The following SNX14 variants were observed in gnomAD, a reference collection of about 807,000 sequenced individuals.
SNX14 encodes the protein sorting nexin 14.
A neutral mutation model predicts 133.8 loss-of-function variants in SNX14; 93 were observed. The observed-to-expected ratio is 0.70, with a 90% CI of 0.59 to 0.83. SNX14 has a LOEUF of 0.83. SNX14 is among the 40% of genes least tolerant of loss of function. The pLI is 0.00. For missense variants in SNX14, 945 were observed against 1,094.9 expected (o/e 0.86, Z 1.93); for synonymous variants, 368 against 365.6 (o/e 1.01, Z -0.07).
intron 1 of SNX14, among the ~76,000 whole-genome samples, chr6:85,584,390 T>C (rs1223384263): frequency 6.6e-6 from 1 of 152,030 alleles, no homozygotes; most frequent in Non-Finnish European, 1.5e-5. Context: ...AAGCCAAAAT[T>C]GACAAATGGG....
At chr6:85,554,177 G>T (rs1788821889) in intron 7 of SNX14, among the ~76,000 whole-genome samples, 1 of 151,986 alleles carries the variant, frequency 6.6e-6, no homozygotes, top group Non-Finnish European at 1.5e-5. Flanking sequence ...TCTTCAGGTT[G>T]AAAGTCTGGA....
chr6:85,530,838 C>T (rs965403601), intron 18 of SNX14, among the ~76,000 whole-genome samples: 2 of 152,054 alleles, frequency 1.3e-5, no homozygotes, highest in Non-Finnish European at 2.9e-5. Context: ...AGAATCAGAG[C>T]TGACAGAAAC....
In SNX14 at chr6:85,512,215, G is replaced by A. The variant is rs115426400; in HGVS notation, c.2653+1585C>T. On this transcript the variant is annotated intron_variant, in intron 26 of 28. Coordinates refer to ENST00000314673, the MANE Select transcript of SNX14 (RefSeq NM_153816.6). ...TTGTCAAGAACAGAATGCCCTGACT[G>A]ATGTATTTCAAAATGGTTCCCTTCT... Among the ~76,000 whole-genome samples, 1,058 of 152,322 alleles carry A rather than the reference G, an allele frequency of 6.9e-3. 10 individuals carry two copies. The highest frequency in any genetic ancestry group is 0.024 in the African/African-American group (978 of 41,576).
In SNX14 at chr6:85,536,907, C is replaced by T; in HGVS notation, c.1493G>A (p.Gly498Glu). 9.3e-6 allele frequency: 15 copies of T among 1,612,762 alleles called. No homozygotes were observed. Among genetic ancestry groups the T allele is most frequent in the Non-Finnish European group, 1.1e-5 (13 of 1,179,420 alleles). The change falls in exon 17 of 29, where the codon GGA becomes GAA. Residue 498 changes from glycine (G) to glutamate (E), a missense_variant. By Grantham distance (98) the Gly-to-Glu change is moderately conservative. Coordinates refer to ENST00000314673, the MANE Select transcript of SNX14 (RefSeq NM_153816.6). ...LDDFRNTQKR[G>E]ESFGISRIGS... The stretch of plus-strand genomic sequence containing the variant: ...TATTCTGCTGATTCCAAATGATTCT[C>T]CCCTTTTCTGTGTGTTCCTGAATAT...
intron 12 of SNX14, among the ~76,000 whole-genome samples, chr6:85,545,319 T>C (rs926859888): frequency 6.6e-6 from 1 of 152,072 alleles, no homozygotes; most frequent in Non-Finnish European, 1.5e-5. Flanking sequence ...ATAATAAATA[T>C]ATCACGTGTA....
intron 18 of SNX14, among the ~76,000 whole-genome samples, chr6:85,533,109 A>T (rs1331811608): frequency 6.6e-6 from 1 of 152,116 alleles, no homozygotes; most frequent in East Asian, 1.9e-4. Context: ...CGGGTCTCAA[A>T]CTCCTGACCT....
At chr6:85,566,799 T>A (rs1794001742) in intron 5 of SNX14, among the ~76,000 whole-genome samples, 1 of 152,224 alleles carries the variant, frequency 6.6e-6, no homozygotes, top group Non-Finnish European at 1.5e-5. Context: ...CATGGAGGTA[T>A]AAGTGTTCAA....
intron 4 of SNX14, among the ~76,000 whole-genome samples, chr6:85,571,440 G>A (rs1207712330): frequency 2.0e-5 from 3 of 151,820 alleles, no homozygotes; most frequent in African/African-American, 7.3e-5. Flanking sequence ...ATACAAAATG[G>A]GATAAAGAAC....
At position 85,549,819 on chromosome 6, in the gene SNX14, A is replaced by G; in HGVS notation, c.695T>C (p.Val232Ala). Residue 232 changes from valine (V) to alanine (A), a missense_variant, in exon 8 of 29, where the codon GTT becomes GCT. By Grantham distance (64) the Val-to-Ala change is moderately conservative. Coordinates refer to ENST00000314673, the MANE Select transcript of SNX14 (RefSeq NM_153816.6). ...TTCATCTCTTCGACTTCTCAAAGCAACATGAAGCTCTGGACCATATTCTTC... is the reference window on the plus strand; with the variant it reads ...TTCATCTCTTCGACTTCTCAAAGCAGCATGAAGCTCTGGACCATATTCTTC... ...ALEEYGPELH[V>A]ALRSRRDELH... 1 of 1,614,062 alleles carries G rather than the reference A, an allele frequency of 6.2e-7. No individual in the cohort carries two copies. Among genetic ancestry groups the G allele is most frequent in the Non-Finnish European group, 8.5e-7 (1 of 1,179,934 alleles).
In SNX14 at chr6:85,526,175, A is replaced by G; in HGVS notation, c.2058T>C (p.Asn686=). 1 of 1,609,052 alleles carries G rather than the reference A, an allele frequency of 6.2e-7. No homozygotes were observed. The highest frequency in any genetic ancestry group is 8.5e-7 in the Non-Finnish European group (1 of 1,177,504). Reference sequence around the variant, plus strand: ...TATCAAGAAATTGTGTTTCCCCACCATTAGGGGAAAGAAAGTCTGCCAGAA... The same window carrying G: ...TATCAAGAAATTGTGTTTCCCCACCGTTAGGGGAAAGAAAGTCTGCCAGAA... ...SQLLADFLSP[N]GGETQFLDKI... Residue 686 remains asparagine (N), a synonymous_variant, in exon 21 of 29, where the codon AAT becomes AAC. Coordinates refer to ENST00000314673, the MANE Select transcript of SNX14 (RefSeq NM_153816.6).
chr6:85,508,356 A>G, intron 26 of SNX14: 1 of 1,062,650 alleles, frequency 9.4e-7, no homozygotes, highest in Non-Finnish European at 1.1e-6. Context: ...TAGTTGGAAA[A>G]TAATACTTAT....
chr6:85,516,302 GCTCTT>G (rs544239351), intron 23 of SNX14, among the ~76,000 whole-genome samples: 107 of 152,110 alleles, frequency 7.0e-4, no homozygotes, highest in African/African-American at 2.5e-3. Flanking sequence ...CATGTTATAA[GCTCTT>G]CTCTTATTTT....
chr6:85,509,532 C>G (rs1772004636), intron 26 of SNX14, among the ~76,000 whole-genome samples: 1 of 152,098 alleles, frequency 6.6e-6, no homozygotes, highest in South Asian at 2.1e-4. Flanking sequence ...ATAAACTTTA[C>G]TTTTTAAAGT....
chr6:85,590,269 A>G (rs1802391576), intron 1 of SNX14, among the ~76,000 whole-genome samples: 1 of 152,180 alleles, frequency 6.6e-6, no homozygotes. Flanking sequence ...TCCATAAAAT[A>G]GAAGAATTTG....
chr6:85,584,072 C>A (rs1000573518), intron 1 of SNX14, among the ~76,000 whole-genome samples: 2 of 152,116 alleles, frequency 1.3e-5, no homozygotes, highest in African/African-American at 4.8e-5. Context: ...TGGAACAGAA[C>A]AGAAGCCTCA....
intron 26 of SNX14, among the ~76,000 whole-genome samples, chr6:85,510,254 C>T (rs1401780765): frequency 6.6e-6 from 1 of 152,120 alleles, no homozygotes; most frequent in Admixed American, 6.5e-5. Context: ...TGCATGCCCA[C>T]CAGCAATGAA....
chr6:85,550,990 AG>A (rs1477879423), intron 7 of SNX14, among the ~76,000 whole-genome samples: 1 of 152,094 alleles, frequency 6.6e-6, no homozygotes, highest in Non-Finnish European at 1.5e-5. Flanking sequence ...CATGTTGGCC[AG>A]GCTGGTCTGG....
In SNX14 at chr6:85,565,293, A is replaced by G. The variant is rs183941841; in HGVS notation, c.549+39T>C. 1.7e-4 allele frequency: 217 copies of G among 1,308,088 alleles called. 1 individual carries two copies. The East Asian group carries it at 4.8e-3, about 29-fold the overall frequency. The allele number at this position is 1,308,088 out of a possible 1,614,324, so 81.0% of individuals were successfully genotyped here. A position where few individuals can be genotyped will look rare whatever the true frequency, so the allele number is the denominator to read the frequency against. On this transcript the variant is annotated intron_variant, in intron 6 of 28. Coordinates refer to ENST00000314673, the MANE Select transcript of SNX14 (RefSeq NM_153816.6). ...TTTAAATCTCTTTCATTAAATGATA[A>G]AGCCCCAAATTCCCAAATTTCTCAT... is the stretch of plus-strand genomic sequence containing the variant.
intron 1 of SNX14, among the ~76,000 whole-genome samples, chr6:85,592,864 AGCGTGGTG>A (rs1344468478): frequency 1.5e-4 from 22 of 150,872 alleles, no homozygotes; most frequent in South Asian, 2.1e-4. Context: ...TTAGCGTGGT[AGCGTGGTG>A]GCGTGGTGGC....
Sources: gnomAD v4.1 joint callset for allele counts (sites outside exome capture counted in the v4.1 genomes callset) on GRCh38, gnomAD v4.1.1 for gene constraint, MANE v1.5 for transcripts, NCBI Gene and HGNC (gene_info 2026-07-23, HGNC 2026-07-21) for gene names.